Variants in CLSTN2 observed in about 807,000 individuals in gnomAD.
CLSTN2 encodes the protein calsyntenin 2, also known as calsyntenin-2.
A neutral mutation model predicts 101.2 loss-of-function variants in CLSTN2; 48 were observed. The observed-to-expected ratio is 0.47, with a 90% CI of 0.38 to 0.60. CLSTN2 has a LOEUF of 0.60. Ranked by LOEUF, CLSTN2 falls within the 20% of genes least tolerant of loss-of-function variation. The pLI is 0.00. For missense variants in CLSTN2, 1,160 were observed against 1,238.2 expected (o/e 0.94, Z 0.95); for synonymous variants, 481 against 463.6 (o/e 1.04, Z -0.48).
intron 2 of CLSTN2, among the ~76,000 whole-genome samples, chr3:140,281,879 C>T (rs61129222): frequency 0.018 from 2,789 of 152,260 alleles, 81 homozygotes; most frequent in African/African-American, 0.064. Flanking sequence ...GCTTTAGCTG[C>T]TCTATCGGAT....
intron 1 of CLSTN2, among the ~76,000 whole-genome samples, chr3:140,019,450 ACCTGTTT>A (rs1266545127): frequency 6.6e-6 from 1 of 152,046 alleles, no homozygotes; most frequent in East Asian, 1.9e-4. Flanking sequence ...CACCATAATC[ACCTGTTT>A]CCTAAAATTA....
rs573070980 is a variant in CLSTN2 at position 140,448,001 on chromosome 3, C to T, written c.788-518C>T. Among the ~76,000 whole-genome samples the T allele has an allele frequency of 3.3e-5, 5 of 152,248 alleles. No individual in the cohort carries two copies. In the South Asian group the frequency reaches 8.3e-4, roughly 25 times the overall value. ...CCTATATAACAAACCTGCACATGTA[C>T]ACCTAAACCTAAAATAAAAGTTAAA... is the stretch of plus-strand genomic sequence containing the variant. On this transcript the variant is annotated intron_variant, in intron 5 of 16. Coordinates refer to ENST00000458420, the MANE Select transcript of CLSTN2 (RefSeq NM_022131.3).
intron 2 of CLSTN2, among the ~76,000 whole-genome samples, chr3:140,280,098 G>A (rs2086830794): frequency 6.6e-6 from 1 of 152,236 alleles, no homozygotes. Flanking sequence ...TGAAGAGTGA[G>A]AGTGTCAAAC....
chr3:140,095,059 G>A (rs1224576363), intron 1 of CLSTN2, among the ~76,000 whole-genome samples: 2 of 152,202 alleles, frequency 1.3e-5, no homozygotes, highest in Non-Finnish European at 2.9e-5. Context: ...CAGCTTGTGA[G>A]AGTCTTGTAG....
At chr3:140,268,262 G>A (rs532261469) in intron 2 of CLSTN2, among the ~76,000 whole-genome samples, 2 of 152,256 alleles carry the variant, frequency 1.3e-5, no homozygotes, top group Admixed American at 6.5e-5. Flanking sequence ...CCAGGAGTAC[G>A]TAGAGAAAGG....
intron 1 of CLSTN2, among the ~76,000 whole-genome samples, chr3:140,104,743 G>A (rs111538994): frequency 0.03 from 4,581 of 152,318 alleles, 206 homozygotes; most frequent in African/African-American, 0.099. Flanking sequence ...GGAGGCCAAG[G>A]CGGGCAGATC....
intron 2 of CLSTN2, among the ~76,000 whole-genome samples, chr3:140,233,675 T>A (rs1345523229): frequency 6.6e-6 from 1 of 152,240 alleles, no homozygotes; most frequent in East Asian, 1.9e-4. Flanking sequence ...CTTGACTCTG[T>A]TAAAGCTTGT....
chr3:140,316,782 T>A (rs2087235641), intron 2 of CLSTN2, among the ~76,000 whole-genome samples: 1 of 152,220 alleles, frequency 6.6e-6, no homozygotes, highest in Non-Finnish European at 1.5e-5. Context: ...GATATTCTAA[T>A]CTGTCACTGT....
At chr3:140,220,208 T>C (rs2042306749) in intron 2 of CLSTN2, among the ~76,000 whole-genome samples, 1 of 152,224 alleles carries the variant, frequency 6.6e-6, no homozygotes, top group South Asian at 2.1e-4. Flanking sequence ...GGAGGACTTC[T>C]CAAGGTCTTT....
intron 2 of CLSTN2, among the ~76,000 whole-genome samples, chr3:140,355,186 CA>C (rs888581655): frequency 2.8e-4 from 42 of 152,290 alleles, no homozygotes; most frequent in African/African-American, 9.9e-4. Flanking sequence ...AAAGTAATGA[CA>C]CTTCTTAGAA....
At chr3:140,485,712 G>A (rs1040724542) in intron 8 of CLSTN2, among the ~76,000 whole-genome samples, 3 of 152,114 alleles carry the variant, frequency 2.0e-5, no homozygotes, top group Non-Finnish European at 2.9e-5. Context: ...AGACTGCTGT[G>A]CTAGCAATGA....
intron 8 of CLSTN2, among the ~76,000 whole-genome samples, chr3:140,522,790 A>G (rs1405998520): frequency 6.6e-6 from 1 of 151,964 alleles, no homozygotes; most frequent in African/African-American, 2.4e-5. Flanking sequence ...CCTTTCTGAA[A>G]TTTTTATTCA....
chr3:140,535,731 CAATTTGTAGATAAGG>C (rs1935346921), intron 9 of CLSTN2, among the ~76,000 whole-genome samples: 1 of 152,196 alleles, frequency 6.6e-6, no homozygotes, highest in Non-Finnish European at 1.5e-5. Context: ...TTATTCGTCA[CAATTTGTAGATAAGG>C]AAACTGAGGC....
rs1450742985 is a variant in CLSTN2, at chr3:140,448,472, AACTGACT to A, written c.788-46_788-40del. 2.0e-6 allele frequency: 3 copies of A among 1,491,350 alleles called. No individual in the cohort carries two copies. In the African/African-American group the frequency reaches 4.1e-5, roughly 21 times the overall value. 92.4% of individuals were successfully genotyped at this position (1,491,350 alleles called of 1,614,324 possible). On this transcript the variant is annotated intron_variant, in intron 5 of 16. Coordinates refer to ENST00000458420, the MANE Select transcript of CLSTN2 (RefSeq NM_022131.3). ...ATTTCTAAAAGAAATGTTCCAGCAGAACTGACTGCACCTGATTCACTTTTCATCCTTT... is the reference window on the plus strand; with the variant it reads ...ATTTCTAAAAGAAATGTTCCAGCAGAGCACCTGATTCACTTTTCATCCTTT...
At chr3:140,206,056 A>G (rs1315338826) in intron 2 of CLSTN2, among the ~76,000 whole-genome samples, 1 of 152,228 alleles carries the variant, frequency 6.6e-6, no homozygotes, top group Non-Finnish European at 1.5e-5. Context: ...TTAAAAAAAG[A>G]AAGGAAAATC....
At chr3:140,234,839 G>A (rs913814113) in intron 2 of CLSTN2, among the ~76,000 whole-genome samples, 1 of 152,138 alleles carries the variant, frequency 6.6e-6, no homozygotes, top group African/African-American at 2.4e-5. Context: ...CTTTATCCAT[G>A]TAGCTCTCCC....
intron 4 of CLSTN2, among the ~76,000 whole-genome samples, chr3:140,406,377 A>C (rs1010866703): frequency 6.6e-6 from 1 of 152,230 alleles, no homozygotes; most frequent in Admixed American, 6.5e-5. Flanking sequence ...AATAATAATA[A>C]GGTAATTTCC....
chr3:140,105,687 AC>A (rs1160078206), intron 1 of CLSTN2, among the ~76,000 whole-genome samples: 2 of 152,214 alleles, frequency 1.3e-5, no homozygotes, highest in East Asian at 3.9e-4. Flanking sequence ...GACCCCCGGC[AC>A]CATGGGCCCC....
At chr3:139,987,046 C>T (rs1936037211) in intron 1 of CLSTN2, among the ~76,000 whole-genome samples, 2 of 152,296 alleles carry the variant, frequency 1.3e-5, no homozygotes, top group Admixed American at 6.5e-5. Context: ...AAAAATTCCC[C>T]TGGGCCTATC....
Sources: allele counts gnomAD v4.1 joint callset (sites outside exome capture counted in the v4.1 genomes callset), GRCh38; gene constraint gnomAD v4.1.1; transcripts MANE v1.5; gene names NCBI Gene and HGNC (gene_info 2026-07-23, HGNC 2026-07-21).